CPNE4: variants seen among roughly 807,000 people sequenced by gnomAD.
CPNE4 encodes the protein copine 4.
Under a neutral mutation model 67.9 loss-of-function variants are expected in CPNE4, and 25 were observed. The ratio of observed to expected loss-of-function variants is 0.37; its 90% CI spans 0.27 to 0.51. CPNE4 has a LOEUF of 0.51. Among genes scored for constraint, CPNE4 ranks in the 20% least tolerant of loss-of-function variants. The probability of loss-of-function intolerance (pLI) is 0.93; values close to 1 mark genes in which losing one functional copy is unlikely to be tolerated. For synonymous variants in CPNE4, 242 were observed against 244.9 expected (o/e 0.99, Z 0.11); for missense variants, 464 against 690.8 (o/e 0.67, Z 3.68).
chr3:131,587,390 T>C (rs991372948), intron 8 of CPNE4, 94 bp downstream of exon 8: 38 of 790,742 alleles, frequency 4.8e-5, no homozygotes, highest in Non-Finnish European at 7.6e-5. Context: ...TAATCATACA[T>C]TGATGTTTTG....
intron 2 of CPNE4, among the ~76,000 whole-genome samples, chr3:131,896,159 G>A (rs185534882): frequency 1.3e-5 from 2 of 152,120 alleles, no homozygotes; most frequent in Admixed American, 6.5e-5. Context: ...ATAATGGAAA[G>A]CTGGTTCAAC....
At chr3:131,834,882 C>A (rs2085498004) in intron 2 of CPNE4, among the ~76,000 whole-genome samples, 3 of 152,100 alleles carry the variant, frequency 2.0e-5, no homozygotes, top group Admixed American at 2.0e-4. Context: ...ATCTAGGTCT[C>A]ATTTGAAATT....
chr3:131,753,069 G>T (rs562873052), intron 2 of CPNE4, among the ~76,000 whole-genome samples: 1 of 151,484 alleles, frequency 6.6e-6, no homozygotes, highest in Non-Finnish European at 1.5e-5. Context: ...ATATAGGCTT[G>T]GTATAGGAAT....
At chr3:131,816,891 T>C (rs2084763626) in intron 2 of CPNE4, among the ~76,000 whole-genome samples, 1 of 152,222 alleles carries the variant, frequency 6.6e-6, no homozygotes, top group Non-Finnish European at 1.5e-5. Context: ...ATCAACTTTA[T>C]TGGGGTATAT....
intron 7 of CPNE4, among the ~76,000 whole-genome samples, chr3:131,607,636 A>G (rs1413096823): frequency 1.3e-5 from 2 of 152,160 alleles, no homozygotes; most frequent in African/African-American, 2.4e-5. Flanking sequence ...AAAAGCACAC[A>G]TCGAAATGTA....
chr3:131,903,081 A>G (rs757976592), intron 2 of CPNE4, among the ~76,000 whole-genome samples: 1 of 152,086 alleles, frequency 6.6e-6, no homozygotes, highest in African/African-American at 2.4e-5. Flanking sequence ...ACATATCTAC[A>G]TACAATTAAA....
chr3:132,001,655 T>C (rs1379691671), intron 1 of CPNE4, among the ~76,000 whole-genome samples: 3 of 151,870 alleles, frequency 2.0e-5, no homozygotes, highest in Non-Finnish European at 4.4e-5. Flanking sequence ...ATTCCATCCA[T>C]ACTAAGTATT....
In CPNE4 at chr3:131,801,415, C is replaced by CGTGTGTATGTGT. The variant is rs1491403261; in HGVS notation, c.181-77791_181-77790insACACATACACAC. ...ACATATATATATAGGTACATATATA[C>CGTGTGTATGTGT]GTGTGTGTGTGTGTGTGTGTGTGTG... is the stretch of plus-strand genomic sequence containing the variant. On this transcript the variant is annotated intron_variant, in intron 2 of 15. Transcript: ENST00000429747. Among the ~76,000 whole-genome samples, 31 of 66,066 alleles carry CGTGTGTATGTGT rather than the reference C, an allele frequency of 4.7e-4. 1 individual carries two copies. Among genetic ancestry groups the CGTGTGTATGTGT allele is most frequent in the South Asian group, 1.1e-3 (2 of 1,760 alleles). 43.3% of individuals were successfully genotyped at this position (66,066 alleles called of 152,430 possible).
At position 131,629,485 on chromosome 3, in the gene CPNE4, C is replaced by G. The variant is rs113401167; in HGVS notation, c.681+40190G>C. 5.9e-3 allele frequency among the ~76,000 whole-genome samples: 890 copies of G among 152,118 alleles called. 6 individuals carry two copies. The highest frequency in any genetic ancestry group is 0.02 in the African/African-American group (817 of 41,454). ...TTGACACAGAGTCTCACTCTGTTGC[C>G]TAGGTTGGAGTGCGGTGGGTGTGAT... On this transcript the variant is annotated intron_variant, in intron 7 of 15. Transcript: ENST00000429747.
intron 7 of CPNE4, among the ~76,000 whole-genome samples, chr3:131,627,386 G>A (rs1042116577): frequency 2.0e-5 from 3 of 151,998 alleles, no homozygotes; most frequent in African/African-American, 7.3e-5. Flanking sequence ...TAATATTACT[G>A]CTCATTGAAA....
chr3:131,708,147 A>C (rs915019067), intron 3 of CPNE4, among the ~76,000 whole-genome samples: 1 of 152,132 alleles, frequency 6.6e-6, no homozygotes, highest in African/African-American at 2.4e-5. Context: ...TATTTGAGAC[A>C]CTGAATTGAT....
intron 2 of CPNE4, among the ~76,000 whole-genome samples, chr3:131,801,400 A>G (rs2084109615): frequency 4.0e-5 from 4 of 101,232 alleles, no homozygotes; most frequent in African/African-American, 1.3e-4. Context: ...ACATATATAT[A>G]TAGGTACATA....
chr3:131,939,845 C>T (rs2071336513), intron 1 of CPNE4, among the ~76,000 whole-genome samples: 1 of 152,088 alleles, frequency 6.6e-6, no homozygotes, highest in Non-Finnish European at 1.5e-5. Context: ...ACTGAACATA[C>T]AGTAGCTATC....
At chr3:131,982,435 T>C (rs74442800) in intron 1 of CPNE4, among the ~76,000 whole-genome samples, 5,412 of 152,284 alleles carry the variant, frequency 0.036, 306 homozygotes, top group African/African-American at 0.12. Flanking sequence ...AGGTCCTTTA[T>C]TGCAAAAATG....
intron 2 of CPNE4, among the ~76,000 whole-genome samples, chr3:131,900,816 G>A (rs372923567): frequency 5.3e-5 from 8 of 152,086 alleles, no homozygotes; most frequent in African/African-American, 1.4e-4. Flanking sequence ...ACATATAACC[G>A]CACAAATCGT....
intron 1 of CPNE4, among the ~76,000 whole-genome samples, chr3:132,022,222 A>G (rs2074013893): frequency 6.6e-6 from 1 of 152,174 alleles, no homozygotes; most frequent in South Asian, 2.1e-4. Flanking sequence ...AGACCCACCT[A>G]TCTTCCCTGT....
intron 7 of CPNE4, among the ~76,000 whole-genome samples, chr3:131,606,643 C>T (rs2107733849): frequency 6.6e-6 from 1 of 152,242 alleles, no homozygotes; most frequent in South Asian, 2.1e-4. Flanking sequence ...ATCATCAGGA[C>T]ATTTTAGGGC....
At chr3:131,943,908 G>C (rs2071473277) in intron 1 of CPNE4, among the ~76,000 whole-genome samples, 1 of 152,118 alleles carries the variant, frequency 6.6e-6, no homozygotes, top group Admixed American at 6.6e-5. Context: ...CTTTGCAGAA[G>C]TTTTTCTGAG....
At chr3:131,936,978 C>T (rs1334197687) in intron 1 of CPNE4, among the ~76,000 whole-genome samples, 3 of 151,034 alleles carry the variant, frequency 2.0e-5, no homozygotes, top group Non-Finnish European at 4.4e-5. Flanking sequence ...AAAAAAGGCA[C>T]ATAAAGATAA....
Sources: gnomAD v4.1 joint callset for allele counts (sites outside exome capture counted in the v4.1 genomes callset) on GRCh38, gnomAD v4.1.1 for gene constraint, MANE v1.5 for transcripts, NCBI Gene and HGNC (gene_info 2026-07-23, HGNC 2026-07-21) for gene names.